The following PEX14 variants were observed in gnomAD, a reference collection of about 807,000 sequenced individuals.
PEX14 encodes the protein peroxisomal membrane protein PEX14.
In PEX14, 15 loss-of-function variants were observed where a neutral mutation model predicts 49.5. The ratio of observed to expected loss-of-function variants is 0.30; its 90% CI spans 0.20 to 0.47. The LOEUF (loss-of-function observed/expected upper bound fraction) is 0.47, where lower values mean the gene tolerates loss of function less well. Among genes scored for constraint, PEX14 ranks in the 20% least tolerant of loss-of-function variants. The pLI, the probability that PEX14 is intolerant of heterozygous loss-of-function variation, is 1.00. For missense variants in PEX14, 398 were observed against 494.8 expected, an observed-to-expected ratio of 0.80 and a Z score of 1.86; for synonymous variants, 210 against 212.7, an observed-to-expected ratio of 0.99 and a Z score of 0.11.
At chr1:10,618,240 G>T in intron 4 of PEX14, 92 bp from the exon 5 acceptor site, 1 of 908,008 alleles carries the variant, frequency 1.1e-6, no homozygotes. Context: ...TTGGAGGCGA[G>T]GAGACTGTGC....
intron 3 of PEX14, among the ~76,000 whole-genome samples, chr1:10,538,149 G>A (rs1638893914): frequency 6.6e-6 from 1 of 152,194 alleles, no homozygotes; most frequent in African/African-American, 2.4e-5. Context: ...TAGGTCGGAT[G>A]TCAGATGCCG....
In PEX14 at chr1:10,496,039, C is replaced by T. The variant is rs140760428; in HGVS notation, c.84+718C>T. On this transcript the variant is annotated intron_variant, in intron 2 of 8. Coordinates refer to ENST00000356607, the MANE Select transcript of PEX14 (RefSeq NM_004565.3). ...TTTCTTCCTGCGTAGCGATAGCAGG[C>T]GTAGGGCTGTACTGCCAAGGCTTTG... Among the ~76,000 whole-genome samples, 765 of 152,284 alleles carry T rather than the reference C, an allele frequency of 5.0e-3. 6 individuals are homozygous for T. The highest frequency in any genetic ancestry group is 0.018 in the African/African-American group (734 of 41,552).
At chr1:10,626,714 A>G (rs746261458) in intron 7 of PEX14, among the ~76,000 whole-genome samples, 3 of 152,242 alleles carry the variant, frequency 2.0e-5, no homozygotes, top group Non-Finnish European at 4.4e-5. Context: ...GCCTCGTGGC[A>G]TTGTCCTCTG....
chr1:10,554,171 G>T (rs1325295271), intron 3 of PEX14, among the ~76,000 whole-genome samples: 3 of 151,556 alleles, frequency 2.0e-5, no homozygotes, highest in Non-Finnish European at 2.9e-5. Flanking sequence ...GGGCATGGTG[G>T]TGGGCACCTG....
chr1:10,520,264 T>TC (rs1638242127), intron 2 of PEX14, among the ~76,000 whole-genome samples: 1 of 151,138 alleles, frequency 6.6e-6, no homozygotes, highest in African/African-American at 2.4e-5. Flanking sequence ...GCTCAAGCGA[T>TC]CCTCCTGCCC....
intron 3 of PEX14, among the ~76,000 whole-genome samples, chr1:10,592,847 G>A (rs947023811): frequency 6.6e-6 from 1 of 152,222 alleles, no homozygotes; most frequent in Non-Finnish European, 1.5e-5. Flanking sequence ...GGCCTTTTGT[G>A]TGTCTCACTG....
chr1:10,490,664 A>G (rs554053369), intron 1 of PEX14, among the ~76,000 whole-genome samples: 18 of 144,862 alleles, frequency 1.2e-4, no homozygotes, highest in African/African-American at 4.3e-4. Context: ...CTTTTCTTAC[A>G]TCGTTACAAT....
In PEX14 at chr1:10,628,163, C is replaced by T. The variant is rs927661641; in HGVS notation, c.677+800C>T. 2.0e-5 allele frequency among the ~76,000 whole-genome samples: 3 copies of T among 152,164 alleles called. No individual in the cohort carries two copies. Among genetic ancestry groups the T allele is most frequent in the Admixed American group, 6.5e-5 (1 of 15,280 alleles). ...GTTGGCCAGGCTGGTCTTGAATTCC[C>T]GACCTCAGGTCATCTGCCCATGGCC... On this transcript the variant is annotated intron_variant, in intron 8 of 8. Coordinates refer to ENST00000356607, the MANE Select transcript of PEX14 (RefSeq NM_004565.3). This position sits in a 1 kb window ranked among gnomAD's most constrained non-coding sequence, Gnocchi z 4.5.
intron 3 of PEX14, among the ~76,000 whole-genome samples, chr1:10,543,833 C>G (rs976041518): frequency 2.6e-5 from 4 of 152,202 alleles, no homozygotes; most frequent in Non-Finnish European, 5.9e-5. Context: ...CTCTCGGCCT[C>G]AAGTCATCCT....
At chr1:10,510,815 A>G (rs1020809447) in intron 2 of PEX14, among the ~76,000 whole-genome samples, 3 of 152,216 alleles carry the variant, frequency 2.0e-5, no homozygotes, top group African/African-American at 7.2e-5. Flanking sequence ...TTAGGGTGCA[A>G]CATTCCCACT....
chr1:10,622,905 G>A, intron 5 of PEX14, 114 bp from the exon 6 acceptor site: 1 of 735,472 alleles, frequency 1.4e-6, no homozygotes, highest in Non-Finnish European at 2.5e-6. Context: ...TGTTTGCTTA[G>A]GGTTTCCAAA....
At chr1:10,531,521 C>T (rs1044454078) in intron 2 of PEX14, among the ~76,000 whole-genome samples, 1 of 152,154 alleles carries the variant, frequency 6.6e-6, no homozygotes, top group Non-Finnish European at 1.5e-5. Context: ...GCAATTTAAT[C>T]TTCTGAGCAG....
chr1:10,586,224 A>G (rs1234306132), intron 3 of PEX14, among the ~76,000 whole-genome samples: 1 of 152,218 alleles, frequency 6.6e-6, no homozygotes, highest in East Asian at 1.9e-4. Context: ...AAAAGTATTC[A>G]GTCTCGGTCG....
At chr1:10,609,188 A>G (rs958455848) in intron 4 of PEX14, among the ~76,000 whole-genome samples, 2 of 152,122 alleles carry the variant, frequency 1.3e-5, no homozygotes, top group Admixed American at 6.6e-5. Context: ...GATTGTCTCC[A>G]ATTTTGGTGA....
In PEX14 at chr1:10,539,882, C is replaced by G. The variant is rs569667440; in HGVS notation, c.169+3585C>G. 3.3e-5 allele frequency among the ~76,000 whole-genome samples: 5 copies of G among 152,154 alleles called. No homozygotes were observed. The highest frequency in any genetic ancestry group is 1.2e-4 in the African/African-American group (5 of 41,496). ...AGGTGGGGGAGGGGGATAGAGTTGT[C>G]TGTTAACTTACTCTAACATATCTGT... is the stretch of plus-strand genomic sequence containing the variant. On this transcript the variant is annotated intron_variant, in intron 3 of 8. Coordinates refer to ENST00000356607, the MANE Select transcript of PEX14 (RefSeq NM_004565.3). This position sits in a 1 kb window ranked among gnomAD's most constrained non-coding sequence, Gnocchi z 4.6.
In PEX14 at chr1:10,544,615, C is replaced by T. The variant is rs76935333; in HGVS notation, c.169+8318C>T. ...ATATGTATAATTGGGAAACTATCAT[C>T]ACAATTAAGATAATGGACATGCCCA... On this transcript the variant is annotated intron_variant, in intron 3 of 8. Coordinates refer to ENST00000356607, the MANE Select transcript of PEX14 (RefSeq NM_004565.3). Among the ~76,000 whole-genome samples, 770 of 152,254 alleles carry T rather than the reference C, an allele frequency of 5.1e-3. 3 individuals carry two copies. The highest frequency in any genetic ancestry group is 0.017 in the African/African-American group (725 of 41,550).
At chr1:10,518,015 T>C (rs1642001708) in intron 2 of PEX14, among the ~76,000 whole-genome samples, 1 of 152,104 alleles carries the variant, frequency 6.6e-6, no homozygotes, top group African/African-American at 2.4e-5. Flanking sequence ...TACTTTTCCA[T>C]GTGAACCCTG....
chr1:10,598,490 A>C (rs1324730602), intron 3 of PEX14, among the ~76,000 whole-genome samples: 1 of 152,196 alleles, frequency 6.6e-6, no homozygotes. Flanking sequence ...TCCACATGGC[A>C]TAGCCACTGC....
chr1:10,579,427 C>A (rs935659740), intron 3 of PEX14, among the ~76,000 whole-genome samples: 1 of 152,038 alleles, frequency 6.6e-6, no homozygotes, highest in African/African-American at 2.4e-5. Flanking sequence ...AATACTGTTA[C>A]AAGAAAGAGA....
Sources: gnomAD v4.1 joint callset for allele counts (sites outside exome capture counted in the v4.1 genomes callset) on GRCh38, gnomAD v4.1.1 for gene constraint, Gnocchi (gnomAD v3.1) non-coding constraint, MANE v1.5 for transcripts, NCBI Gene and HGNC (gene_info 2026-07-23, HGNC 2026-07-21) for gene names.